DTWD1: variants seen among roughly 807,000 people sequenced by gnomAD.
DTWD1 encodes the protein tRNA-uridine aminocarboxypropyltransferase 1.
In DTWD1, 27 loss-of-function variants were observed where a neutral mutation model predicts 30.2. The observed-to-expected ratio is 0.90, with a 90% CI of 0.66 to 1.23. The LOEUF (loss-of-function observed/expected upper bound fraction) is 1.23, where lower values mean the gene tolerates loss of function less well. DTWD1 is among the 50% of genes most tolerant of loss of function. DTWD1 has a pLI of 0.00. For synonymous variants in DTWD1, 99 were observed against 113.1 expected, an observed-to-expected ratio of 0.88 and a Z score of 0.79; for missense variants, 342 against 348.8, an observed-to-expected ratio of 0.98 and a Z score of 0.15.
At chr15:49,642,512 T>C (rs2079077254) in intron 4 of DTWD1, among the ~76,000 whole-genome samples, 1 of 152,182 alleles carries the variant, frequency 6.6e-6, no homozygotes, top group South Asian at 2.1e-4. Flanking sequence ...TTTAGGATAC[T>C]CTGTTCATGA....
intron 1 of DTWD1, chr15:49,623,805 T>C (rs1468742697): frequency 6.6e-6 from 1 of 152,156 alleles, no homozygotes; most frequent in African/African-American, 2.4e-5. Flanking sequence ...GCAGGTGAGT[T>C]GGAGTGGCAG....
At chr15:49,629,774 T>G (rs2078893978) in intron 2 of DTWD1, 1 of 152,200 alleles carries the variant, frequency 6.6e-6, no homozygotes, top group African/African-American at 2.4e-5. Context: ...TAGAAGCAAT[T>G]GGGCCTAACT....
chr15:49,646,262 T>C lies in DTWD1; in HGVS notation c.*2684T>C, dbSNP rs1477712481. On this transcript the variant is annotated 3_prime_UTR_variant, in exon 5 of 5. Coordinates refer to ENST00000403028, the MANE Select transcript of DTWD1 (RefSeq NM_001144955.2). ...CAAACATGTGAGCAAGGAATGTCTA[T>C]TATGCCACCAATGTCTTATAGCTAT... 1.3e-5 allele frequency: 2 copies of C among 152,230 alleles called. No individual in the cohort carries two copies. The highest frequency in any genetic ancestry group is 4.8e-5 in the African/African-American group (2 of 41,472). 9.4% of individuals were successfully genotyped at this position (152,230 alleles called of 1,614,324 possible). A position where few individuals can be genotyped will look rare whatever the true frequency, so the allele number is the denominator to read the frequency against.
rs1415114376 is a variant in DTWD1 at position 49,643,369 on chromosome 15, T to A, written c.706T>A (p.Phe236Ile). The A allele has an allele frequency of 1.3e-6, 2 of 1,575,202 alleles. No individual in the cohort carries two copies. The highest frequency in any genetic ancestry group is 2.4e-5 in the South Asian group (2 of 82,800). Residue 236 changes from phenylalanine (F) to isoleucine (I), a missense_variant, in exon 5 of 5, where the codon TTT becomes ATT. By Grantham distance (21) the Phe-to-Ile change is conservative. Coordinates refer to ENST00000403028, the MANE Select transcript of DTWD1 (RefSeq NM_001144955.2). ...QVELKTRKTC[F>I]WRHQKGKPDT... The stretch of plus-strand genomic sequence containing the variant: ...TGAGTTGAAAACAAGAAAAACTTGC[T>A]TTTGGCGCCATCAAAAAGGAAAGCC...
chr15:49,632,065 T>G (rs1455742478), intron 2 of DTWD1, 94 bp from the exon 3 acceptor site: 1 of 1,079,458 alleles, frequency 9.3e-7, no homozygotes, highest in East Asian at 2.6e-5. Flanking sequence ...AGGAGTTTAT[T>G]GTGAGCTTCC....
Position 49,632,219 on chromosome 15 carries a change from A to G in DTWD1, c.325A>G (p.Ile109Val), listed in dbSNP as rs2078930811. The change falls in exon 3 of 5, where the codon ATA (isoleucine) becomes GTA (valine). Residue 109 changes from isoleucine (I) to valine (V), a missense_variant. Transcript: ENST00000403028. ...TGAAACAGATGGCAAAAGTACTGCT[A>G]TACATGCAAAACTCTTAGCACCTGA... ...PNETDGKSTAIHAKLLAPEFV... is the reference protein window; with the variant it reads ...PNETDGKSTAVHAKLLAPEFV... 1 of 1,601,250 alleles carries G rather than the reference A, an allele frequency of 6.2e-7. No individual in the cohort carries two copies.
chr15:49,638,908 G>A (rs1438980597), intron 4 of DTWD1, among the ~76,000 whole-genome samples: 1 of 152,116 alleles, frequency 6.6e-6, no homozygotes, highest in Non-Finnish European at 1.5e-5. Flanking sequence ...ATTTATCATA[G>A]GAAGCCTTGG....
At chr15:49,643,309 T>TC (rs201575645) in intron 4 of DTWD1, 22 bp from the exon 5 acceptor site, 1,364 of 1,022,756 alleles carry the variant, frequency 1.3e-3, no homozygotes, top group African/African-American at 4.2e-3. Flanking sequence ...TTTCTTTCTT[T>TC]TTTTTTTTTT....
Position 49,643,460 on chromosome 15 carries a change from T to G in DTWD1, c.797T>G (p.Leu266Ter). 6.2e-7 allele frequency: 1 copy of G among 1,610,092 alleles called. No individual in the cohort carries two copies. The highest frequency in any genetic ancestry group is 8.5e-7 in the Non-Finnish European group (1 of 1,177,928). Residue 266 changes from leucine (L) to a stop codon, truncating the protein, a stop_gained, in exon 5 of 5, where the codon TTA (leucine) becomes TGA (stop). Transcript: ENST00000403028. LOFTEE classifies it high-confidence loss of function. ...CTGGTAGACTACCATACTGATATAT[T>G]AAAAGAGAAATACAGAGGGCAATAT... Reference protein sequence around the residue: ...YFLVDYHTDILKEKYRGQYDN... With the variant: ...YFLVDYHTDI
In DTWD1 at chr15:49,651,288, T is replaced by C. The variant is rs1349092608; in HGVS notation, c.*7710T>C. 2.6e-5 allele frequency: 4 copies of C among 152,162 alleles called. No homozygotes were observed. The highest frequency in any genetic ancestry group is 9.6e-5 in the African/African-American group (4 of 41,454). 9.4% of individuals were successfully genotyped at this position (152,162 alleles called of 1,614,324 possible). On this transcript the variant is annotated 3_prime_UTR_variant, in exon 5 of 5. Coordinates refer to ENST00000403028, the MANE Select transcript of DTWD1 (RefSeq NM_001144955.2). ...TGAATGGACATACTTGTGTCAAGTA[T>C]GTACATGAACTGTGAAGGTCTCTGT...
rs987436836 is a variant in DTWD1, at chr15:49,653,428, T to A, written c.*9850T>A. On this transcript the variant is annotated 3_prime_UTR_variant, in exon 5 of 5. Transcript: ENST00000403028. ...AGAAAGGAATGCAGTTCAGCTAACATCTTGATTTTAGATCAGTGAGATTTT... is the reference window on the plus strand; with the variant it reads ...AGAAAGGAATGCAGTTCAGCTAACAACTTGATTTTAGATCAGTGAGATTTT... The A allele has an allele frequency of 6.6e-6, 1 of 152,126 alleles. No homozygotes were observed. Among genetic ancestry groups the A allele is most frequent in the Non-Finnish European group, 1.5e-5 (1 of 68,014 alleles). 9.4% of individuals were successfully genotyped at this position (152,126 alleles called of 1,614,324 possible). A position where few individuals can be genotyped will look rare whatever the true frequency, so the allele number is the denominator to read the frequency against.
rs575058140 is a variant in DTWD1, at chr15:49,626,030, T to C, written c.264+599T>C. ...AGTGTATTTATGGAAAATTTAGCCC[T>C]ACAGACCACTAAACCTCTTTGTTTT... is the stretch of plus-strand genomic sequence containing the variant. On this transcript the variant is annotated intron_variant, in intron 2 of 4. Transcript: ENST00000403028. Among the ~76,000 whole-genome samples, 658 of 152,192 alleles carry C rather than the reference T, an allele frequency of 4.3e-3. 1 individual carries two copies. Among genetic ancestry groups the C allele is most frequent in the Non-Finnish European group, 8.1e-3 (554 of 68,012 alleles).
chr15:49,638,890 T>C (rs954823044), intron 4 of DTWD1, among the ~76,000 whole-genome samples: 2 of 152,138 alleles, frequency 1.3e-5, no homozygotes, highest in African/African-American at 4.8e-5. Context: ...GATATAACAT[T>C]CTTAAAGATT....
intron 4 of DTWD1, among the ~76,000 whole-genome samples, chr15:49,640,099 C>T (rs186288658): frequency 2.6e-5 from 4 of 152,188 alleles, no homozygotes; most frequent in East Asian, 1.9e-4. Flanking sequence ...GTGCCATTCC[C>T]CTTCTTCCCC....
intron 2 of DTWD1, chr15:49,629,599 T>A (rs1209029281): frequency 6.6e-6 from 1 of 152,198 alleles, no homozygotes; most frequent in Non-Finnish European, 1.5e-5. Context: ...AATACTGATG[T>A]GGTGCTCAGA....
Position 49,634,706 on chromosome 15 carries a change from G to A in DTWD1, c.579G>A (p.Lys193=). The change falls in exon 4 of 5, where the codon AAG becomes AAA. Residue 193 remains lysine (K), a synonymous_variant. Coordinates refer to ENST00000403028, the MANE Select transcript of DTWD1 (RefSeq NM_001144955.2). ...EQEFCDLNDS[K]CKGTTLKKII... ...AGTTCTGTGATTTGAATGACAGCAA[G>A]TGCAAAGGCACAACACTGAAAAAAA... is the stretch of plus-strand genomic sequence containing the variant. 1.2e-6 allele frequency: 2 copies of A among 1,613,260 alleles called. No homozygotes were observed. The highest frequency in any genetic ancestry group is 8.5e-7 in the Non-Finnish European group (1 of 1,179,604).
At chr15:49,621,723 C>A (rs2078720972) in intron 1 of DTWD1, among the ~76,000 whole-genome samples, 1 of 151,984 alleles carries the variant, frequency 6.6e-6, no homozygotes. Flanking sequence ...AAGGACTAAC[C>A]CAGTGCACCA....
At chr15:49,633,043 C>CTATATATATATATA (rs368196512) in intron 3 of DTWD1, among the ~76,000 whole-genome samples, 29 of 129,510 alleles carry the variant, frequency 2.2e-4, no homozygotes, top group Admixed American at 1.8e-3. Flanking sequence ...CTATTTATAT[C>CTATATATATATATA]TATATCTATA....
At chr15:49,636,761 T>C (rs905699160) in intron 4 of DTWD1, among the ~76,000 whole-genome samples, 2 of 152,214 alleles carry the variant, frequency 1.3e-5, no homozygotes, top group African/African-American at 4.8e-5. Flanking sequence ...TTTTAGCTGA[T>C]AAATTGTATG....
Sources: allele counts gnomAD v4.1 joint callset (sites outside exome capture counted in the v4.1 genomes callset), GRCh38; gene constraint gnomAD v4.1.1; transcripts MANE v1.5; gene names NCBI Gene and HGNC (gene_info 2026-07-23, HGNC 2026-07-21).